The following CDKAL1 variants were observed in gnomAD, a reference collection of about 807,000 sequenced individuals.
CDKAL1 encodes the protein CDKAL1 threonylcarbamoyladenosine tRNA methylthiotransferase.
A neutral mutation model predicts 68.2 loss-of-function variants in CDKAL1; 32 were observed. The observed-to-expected ratio is 0.47, with a 90% confidence interval of 0.35 to 0.63. The LOEUF (loss-of-function observed/expected upper bound fraction) is 0.63. CDKAL1 is among the 30% of genes least tolerant of loss of function. The pLI, the probability that CDKAL1 is intolerant of heterozygous loss-of-function variation, is 0.00. For missense variants in CDKAL1, 606 were observed against 696.7 expected, an observed-to-expected ratio of 0.87 and a Z score of 1.47; for synonymous variants, 234 against 244.3, an observed-to-expected ratio of 0.96 and a Z score of 0.39.
intron 4 of CDKAL1, among the ~76,000 whole-genome samples, chr6:20,629,526 C>G (rs1267909288): frequency 6.6e-6 from 1 of 152,128 alleles, no homozygotes; most frequent in African/African-American, 2.4e-5. Context: ...CCTTGCTGTC[C>G]CTCTATAGGA....
intron 5 of CDKAL1, among the ~76,000 whole-genome samples, chr6:20,706,648 G>A (rs779545617): frequency 2.6e-5 from 4 of 152,160 alleles, no homozygotes; most frequent in Non-Finnish European, 5.9e-5. Flanking sequence ...GTGTCTATCT[G>A]TATTTGTGTG....
At position 20,817,238 on chromosome 6, in the gene CDKAL1, A is replaced by G. The variant is rs938753164; in HGVS notation, c.639-28837A>G. Among the ~76,000 whole-genome samples, 4 of 152,242 alleles carry G rather than the reference A, an allele frequency of 2.6e-5. No homozygotes were observed. The East Asian group carries it at 7.7e-4, about 29-fold the overall frequency. Reference sequence around the variant, plus strand: ...TATACGTACCTGCAGGCTCCAGTGTAAAAAATAGGAAATATGTATGAACAT... The same window carrying G: ...TATACGTACCTGCAGGCTCCAGTGTGAAAAATAGGAAATATGTATGAACAT... On this transcript the variant is annotated intron_variant, in intron 8 of 15. Coordinates refer to ENST00000274695, the MANE Select transcript of CDKAL1 (RefSeq NM_017774.3).
chr6:21,047,111 G>A (rs904084320), intron 11 of CDKAL1, among the ~76,000 whole-genome samples: 1 of 150,956 alleles, frequency 6.6e-6, no homozygotes, highest in African/African-American at 2.4e-5. Flanking sequence ...TTTTTTAAGA[G>A]ATGGAGTCTC....
intron 6 of CDKAL1, among the ~76,000 whole-genome samples, chr6:20,746,150 A>G (rs1479813298): frequency 6.6e-6 from 1 of 152,104 alleles, no homozygotes. Context: ...CCTGGTACCA[A>G]TCCTCATTTT....
At chr6:20,830,857 T>A in intron 8 of CDKAL1, among the ~76,000 whole-genome samples, 1 of 152,172 alleles carries the variant, frequency 6.6e-6, no homozygotes, top group East Asian at 1.9e-4. Context: ...ATTAGCTGAA[T>A]CACTTGGTCT....
At chr6:21,077,934 G>A (rs917446669) in intron 12 of CDKAL1, among the ~76,000 whole-genome samples, 2 of 152,194 alleles carry the variant, frequency 1.3e-5, no homozygotes, top group African/African-American at 2.4e-5. Context: ...GAGGGTCCCA[G>A]TTAGAGGAGA....
intron 9 of CDKAL1, among the ~76,000 whole-genome samples, chr6:20,911,463 A>G (rs115037222): frequency 6.6e-6 from 1 of 152,348 alleles, no homozygotes; most frequent in African/African-American, 2.4e-5. Context: ...TTAATTTTGC[A>G]TATGTGCACA....
Position 20,580,795 on chromosome 6 carries a change from C to CA in CDKAL1, c.286+32090_286+32091insA, listed in dbSNP as rs1554155600. ...TTAGGTTGGTTTCATTGGCACTTTA[C>CA]TTTTTTTTTTTTAGATGGAGTTTCG... is the stretch of plus-strand genomic sequence containing the variant. On this transcript the variant is annotated intron_variant, in intron 4 of 15. Coordinates refer to ENST00000274695, the MANE Select transcript of CDKAL1 (RefSeq NM_017774.3). 2.1e-5 allele frequency among the ~76,000 whole-genome samples: 3 copies of CA among 144,416 alleles called. No individual in the cohort carries two copies. In the East Asian group the frequency reaches 6.1e-4, roughly 29 times the overall value. The allele number at this position is 144,416 out of a possible 152,430, so 94.7% of individuals were successfully genotyped here. A position where few individuals can be genotyped will look rare whatever the true frequency, so the allele number is the denominator to read the frequency against.
chr6:20,672,697 T>G (rs1484088251), intron 5 of CDKAL1, among the ~76,000 whole-genome samples: 3 of 152,140 alleles, frequency 2.0e-5, no homozygotes, highest in Non-Finnish European at 4.4e-5. Context: ...TTCTTTCATG[T>G]GAATTTTTTC....
At chr6:20,657,910 G>C (rs1431729757) in intron 5 of CDKAL1, among the ~76,000 whole-genome samples, 1 of 152,138 alleles carries the variant, frequency 6.6e-6, no homozygotes. Flanking sequence ...GCAGCCTGCT[G>C]GATGCATACT....
intron 6 of CDKAL1, among the ~76,000 whole-genome samples, chr6:20,750,951 G>GAAAAAAAAAAAAA (rs59244637): frequency 1.1e-4 from 5 of 47,082 alleles, no homozygotes; most frequent in Admixed American, 4.1e-4. Context: ...GCAACAGAGT[G>GAAAAAAAAAAAAA]AAAAAAAAAA....
At chr6:21,035,730 T>C (rs1430669959) in intron 11 of CDKAL1, among the ~76,000 whole-genome samples, 1 of 152,156 alleles carries the variant, frequency 6.6e-6, no homozygotes, top group Non-Finnish European at 1.5e-5. Flanking sequence ...TCTATATTGA[T>C]TTGTCAGTGC....
At chr6:20,931,033 G>T (rs1010790070) in intron 9 of CDKAL1, among the ~76,000 whole-genome samples, 3 of 152,184 alleles carry the variant, frequency 2.0e-5, no homozygotes, top group Admixed American at 6.5e-5. Context: ...GTGAGCCACC[G>T]CGCCCGGCTG....
At chr6:21,088,603 T>C (rs996155125) in intron 12 of CDKAL1, among the ~76,000 whole-genome samples, 1 of 152,232 alleles carries the variant, frequency 6.6e-6, no homozygotes, top group African/African-American at 2.4e-5. Flanking sequence ...TTCACAGCAC[T>C]ATTTTTGTTT....
chr6:20,559,593 C>G (rs1042690192), intron 4 of CDKAL1: 1 of 152,074 alleles, frequency 6.6e-6, no homozygotes, highest in Admixed American at 6.6e-5. Flanking sequence ...GTTTGCACTT[C>G]TTGTAGCATG....
chr6:21,024,236 A>G (rs1425724790), intron 11 of CDKAL1, among the ~76,000 whole-genome samples: 1 of 152,236 alleles, frequency 6.6e-6, no homozygotes, highest in African/African-American at 2.4e-5. Context: ...GAATGGTTTT[A>G]TAGGTGACAT....
chr6:20,924,970 A>G (rs1298860275), intron 9 of CDKAL1, among the ~76,000 whole-genome samples: 1 of 152,224 alleles, frequency 6.6e-6, no homozygotes, highest in African/African-American at 2.4e-5. Context: ...GTTTGAGAGG[A>G]TTGACTCCAA....
At chr6:20,878,940 A>G (rs1007053050) in intron 9 of CDKAL1, among the ~76,000 whole-genome samples, 1 of 150,308 alleles carries the variant, frequency 6.7e-6, no homozygotes, top group South Asian at 2.1e-4. Flanking sequence ...TTAGTCAGGC[A>G]TGGTGGCGGG....
At chr6:20,941,255 T>C (rs2150696865) in intron 9 of CDKAL1, among the ~76,000 whole-genome samples, 1 of 152,340 alleles carries the variant, frequency 6.6e-6, no homozygotes, top group African/African-American at 2.4e-5. Context: ...TCATTTCTTA[T>C]TTCTAATGCT....
Sources: allele counts gnomAD v4.1 joint callset (sites outside exome capture counted in the v4.1 genomes callset), GRCh38; gene constraint gnomAD v4.1.1; transcripts MANE v1.5; gene names NCBI Gene and HGNC (gene_info 2026-07-23, HGNC 2026-07-21).